The following SLC4A8 variants were observed in gnomAD, a reference collection of about 807,000 sequenced individuals.
The protein encoded by SLC4A8 is electroneutral sodium bicarbonate exchanger 1.
A neutral mutation model predicts 125.0 loss-of-function variants in SLC4A8; 40 were observed. The ratio of observed to expected loss-of-function variants is 0.32; its 90% confidence interval spans 0.25 to 0.42. The LOEUF (loss-of-function observed/expected upper bound fraction) is 0.42, where lower values mean the gene tolerates loss of function less well. SLC4A8 is among the 10% of genes least tolerant of loss of function. The pLI is 1.00. For synonymous variants in SLC4A8, 456 were observed against 476.0 expected (o/e 0.96, Z 0.55); for missense variants, 863 against 1,355.1 (o/e 0.64, Z 5.70).
At chr12:51,430,667 C>T (rs1013846271) in intron 1 of SLC4A8, among the ~76,000 whole-genome samples, 1 of 152,128 alleles carries the variant, frequency 6.6e-6, no homozygotes, top group Non-Finnish European at 1.5e-5. Context: ...TGCAAATTTA[C>T]TTCCTTCAAA....
rs1239869212 is a variant in SLC4A8 at position 51,515,470 on chromosome 12, G to A, written c.*8032G>A. The A allele has an allele frequency of 6.6e-6, 1 of 152,180 alleles. No individual in the cohort carries two copies. The highest frequency in any genetic ancestry group is 2.4e-5 in the African/African-American group (1 of 41,438). 9.4% of individuals were successfully genotyped at this position (152,180 alleles called of 1,614,324 possible). The stretch of plus-strand genomic sequence containing the variant: ...TCTTCTTTCTAGTGGGTCTCATGTA[G>A]AGATAGAGATATTTTTTTGTTTTAG... On this transcript the variant is annotated 3_prime_UTR_variant, in exon 25 of 25. Transcript: ENST00000453097.
At chr12:51,467,258 T>C (rs1474428001) in intron 11 of SLC4A8, 1 of 152,202 alleles carries the variant, frequency 6.6e-6, no homozygotes, top group Non-Finnish European at 1.5e-5. Flanking sequence ...TGATTTAGGC[T>C]AGACCATGTA....
Position 51,508,210 on chromosome 12 carries a change from G to A in SLC4A8, c.*772G>A, listed in dbSNP as rs1452690292. The A allele has an allele frequency of 6.6e-6, 1 of 152,246 alleles. No homozygotes were observed. Among genetic ancestry groups the A allele is most frequent in the Non-Finnish European group, 1.5e-5 (1 of 68,062 alleles). 9.4% of individuals were successfully genotyped at this position (152,246 alleles called of 1,614,324 possible). On this transcript the variant is annotated 3_prime_UTR_variant, in exon 25 of 25. Coordinates refer to ENST00000453097, the MANE Select transcript of SLC4A8 (RefSeq NM_001039960.3). ...AATCAACAGTAAGTGAGGATGAGCA[G>A]TGTCTCTTGGTTTTCATTGAGGATA...
At chr12:51,406,768 C>G (rs1948496545) in intron 1 of SLC4A8, among the ~76,000 whole-genome samples, 1 of 152,224 alleles carries the variant, frequency 6.6e-6, no homozygotes, top group African/African-American at 2.4e-5. Context: ...AGGCTTCACC[C>G]TCTCCCCCAG....
intron 6 of SLC4A8, among the ~76,000 whole-genome samples, chr12:51,457,836 C>G (rs147040970): frequency 6.6e-6 from 1 of 151,942 alleles, no homozygotes. Context: ...ATTTGAGACC[C>G]GAGAAGGTAA....
intron 21 of SLC4A8, among the ~76,000 whole-genome samples, chr12:51,496,152 T>C (rs1951454467): frequency 6.6e-6 from 1 of 152,200 alleles, no homozygotes; most frequent in African/African-American, 2.4e-5. Context: ...AATAGCAGAT[T>C]ACTGGGAACT....
chr12:51,449,799 C>A (rs570673797), intron 2 of SLC4A8, among the ~76,000 whole-genome samples: 1 of 152,084 alleles, frequency 6.6e-6, no homozygotes, highest in African/African-American at 2.4e-5. Context: ...CCAGTGCTTT[C>A]GAGGTGGAGA....
intron 2 of SLC4A8, among the ~76,000 whole-genome samples, chr12:51,441,798 C>T (rs1413044816): frequency 1.3e-5 from 2 of 152,108 alleles, no homozygotes; most frequent in Non-Finnish European, 2.9e-5. Flanking sequence ...ATGGGGAGAA[C>T]GGAAGCTGTA....
rs909052352 is a variant in SLC4A8 at position 51,510,848 on chromosome 12, T to C, written c.*3410T>C. 6.6e-6 allele frequency: 1 copy of C among 152,302 alleles called. No homozygotes were observed. The highest frequency in any genetic ancestry group is 2.4e-5 in the African/African-American group (1 of 41,468). 9.4% of individuals were successfully genotyped at this position (152,302 alleles called of 1,614,324 possible). A position where few individuals can be genotyped will look rare whatever the true frequency, so the allele number is the denominator to read the frequency against. On this transcript the variant is annotated 3_prime_UTR_variant, in exon 25 of 25. Transcript: ENST00000453097. ...GGTCCTTTTGGACGTGGTGATTTCC[T>C]GTCATCCTCGTGGTCTGACATTGCT...
chr12:51,393,800 C>T (rs1349485932), intron 1 of SLC4A8, among the ~76,000 whole-genome samples: 1 of 152,202 alleles, frequency 6.6e-6, no homozygotes, highest in African/African-American at 2.4e-5. Context: ...GCTTTAAGCT[C>T]CTAGAGAGAC....
At chr12:51,461,607 A>G in intron 9 of SLC4A8, 1 of 243,064 alleles carries the variant, frequency 4.1e-6, no homozygotes, top group East Asian at 9.9e-5. Context: ...AAGATGGTTA[A>G]TTAAATACAT....
intron 6 of SLC4A8, 54 bp downstream of exon 6, chr12:51,457,593 T>C (rs934421429): frequency 1.3e-6 from 2 of 1,511,912 alleles, no homozygotes; most frequent in Admixed American, 1.8e-5. Flanking sequence ...TGGGAACTAG[T>C]TGGAGATGCT....
chr12:51,500,045 C>T (rs1224396442), intron 22 of SLC4A8, among the ~76,000 whole-genome samples: 2 of 152,094 alleles, frequency 1.3e-5, no homozygotes, highest in Admixed American at 1.3e-4. Context: ...ACAGGTTTTG[C>T]TAATGATGGT....
At chr12:51,487,211 G>A (rs1951184574) in intron 17 of SLC4A8, among the ~76,000 whole-genome samples, 1 of 152,200 alleles carries the variant, frequency 6.6e-6, no homozygotes, top group African/African-American at 2.4e-5. Flanking sequence ...AGGAGGCAGA[G>A]AAGAAGTTTT....
intron 13 of SLC4A8, among the ~76,000 whole-genome samples, 158 bp downstream of exon 13, chr12:51,470,683 G>A (rs1474544922): frequency 6.6e-6 from 1 of 152,138 alleles, no homozygotes; most frequent in Non-Finnish European, 1.5e-5. Context: ...CTGCCCCCGG[G>A]TAGCACCATA....
intron 17 of SLC4A8, 47 bp from the exon 18 acceptor site, chr12:51,488,652 C>G (rs1199199029): frequency 6.8e-7 from 1 of 1,480,666 alleles, no homozygotes; most frequent in Non-Finnish European, 9.4e-7. Context: ...TGTTTTACCC[C>G]AATGACTATA....
At chr12:51,484,433 G>A (rs762534669) in intron 16 of SLC4A8, among the ~76,000 whole-genome samples, 24 of 152,214 alleles carry the variant, frequency 1.6e-4, no homozygotes, top group Non-Finnish European at 2.4e-4. Flanking sequence ...TGGGATGTAC[G>A]TGCCGTAGGA....
chr12:51,490,011 G>T, intron 19 of SLC4A8, 60 bp downstream of exon 19: 1 of 1,541,274 alleles, frequency 6.5e-7, no homozygotes, highest in Non-Finnish European at 8.9e-7. Flanking sequence ...CAGGAATCCT[G>T]CCAGGTGCTG....
chr12:51,415,296 A>G (rs1948665854), intron 1 of SLC4A8, among the ~76,000 whole-genome samples: 1 of 151,786 alleles, frequency 6.6e-6, no homozygotes, highest in Non-Finnish European at 1.5e-5. Context: ...GATTTTTTGG[A>G]ATAGTTTGAG....
Sources: gnomAD v4.1 joint callset for allele counts (sites outside exome capture counted in the v4.1 genomes callset) on GRCh38, gnomAD v4.1.1 for gene constraint, MANE v1.5 for transcripts, NCBI Gene and HGNC (gene_info 2026-07-23, HGNC 2026-07-21) for gene names.